RORA: variants seen among roughly 807,000 people sequenced by gnomAD.
RORA encodes the protein nuclear receptor ROR-alpha.
A neutral mutation model predicts 69.5 loss-of-function variants in RORA; 7 were observed. The ratio of observed to expected loss-of-function variants is 0.10; its 90% confidence interval spans 0.06 to 0.19. The LOEUF (loss-of-function observed/expected upper bound fraction) is 0.19, where lower values mean the gene tolerates loss of function less well. Among genes scored for constraint, RORA ranks in the 10% least tolerant of loss-of-function variants. The probability of loss-of-function intolerance (pLI) is 1.00; values close to 1 mark genes in which losing one functional copy is unlikely to be tolerated. For missense variants in RORA, 457 were observed against 663.0 expected, an observed-to-expected ratio of 0.69 and a Z score of 3.41; for synonymous variants, 261 against 240.8, an observed-to-expected ratio of 1.08 and a Z score of -0.78.
chr15:61,147,766 C>CGTGTGTCTGTGTGTGTGT lies in RORA; in HGVS notation c.166+81286_166+81287insACACACACACAGACACAC, dbSNP rs2079362402. ...TGGTCAGTAGGCACGTGCGCACACG[C>CGTGTGTCTGTGTGTGTGT]GTGTGTGTGTGTGTGTGTGTGTGTG... is the stretch of plus-strand genomic sequence containing the variant. On this transcript the variant is annotated intron_variant, in intron 1 of 10. Transcript: ENST00000335670. The surrounding 1 kb of genome is among the most constrained non-coding windows in gnomAD (Gnocchi z 4.1). Among the ~76,000 whole-genome samples, 1 of 147,588 alleles carries CGTGTGTCTGTGTGTGTGT rather than the reference C, an allele frequency of 6.8e-6. No individual in the cohort carries two copies. Among genetic ancestry groups the CGTGTGTCTGTGTGTGTGT allele is most frequent in the African/African-American group, 2.5e-5 (1 of 40,144 alleles).
chr15:60,789,968 C>G (rs1030874483), intron 1 of RORA, among the ~76,000 whole-genome samples: 8 of 152,230 alleles, frequency 5.3e-5, no homozygotes, highest in African/African-American at 1.9e-4. Flanking sequence ...CTAAGCAGCA[C>G]AGCAGCCTAT....
Position 60,556,789 on chromosome 15 carries a change from C to A in RORA, c.197-24938G>T, listed in dbSNP as rs1043915912. ...GGCTCCATCTTTGATTCAAACCTCA[C>A]TTCTTCCTAAAAGCCTTCGTAAATG... On this transcript the variant is annotated intron_variant, in intron 2 of 10. Transcript: ENST00000335670. 5.1e-5 allele frequency: 65 copies of A among 1,263,308 alleles called. No homozygotes were observed. The African/African-American group carries it at 8.6e-4, about 17-fold the overall frequency. The allele number at this position is 1,263,308 out of a possible 1,614,324, so 78.3% of individuals were successfully genotyped here.
intron 1 of RORA, among the ~76,000 whole-genome samples, chr15:60,766,547 T>C (rs2071995436): frequency 6.6e-6 from 1 of 152,222 alleles, no homozygotes. Context: ...GAGGAGGCAT[T>C]TGAAAGCATC....
intron 1 of RORA, among the ~76,000 whole-genome samples, chr15:60,975,488 T>TA (rs1456654494): frequency 3.9e-5 from 6 of 151,994 alleles, no homozygotes; most frequent in African/African-American, 1.5e-4. Context: ...TTGCCAGACT[T>TA]AAAAAAACAG....
intron 2 of RORA, among the ~76,000 whole-genome samples, chr15:60,667,501 G>A (rs1596109958): frequency 1.3e-5 from 2 of 152,306 alleles, no homozygotes; most frequent in South Asian, 4.2e-4. Context: ...AAGCCGAGAA[G>A]TTAAGGTTAT....
chr15:60,592,333 C>T (rs2068549407), intron 2 of RORA: 1 of 1,306,746 alleles, frequency 7.7e-7, no homozygotes, highest in African/African-American at 1.6e-5. Flanking sequence ...CGCCCTCCTC[C>T]CCGCCCCCCG....
At chr15:60,985,817 T>A (rs915623166) in intron 1 of RORA, among the ~76,000 whole-genome samples, 2 of 152,172 alleles carry the variant, frequency 1.3e-5, no homozygotes, top group African/African-American at 4.8e-5. Flanking sequence ...TCTCTTGACC[T>A]CATCCGCCCG....
chr15:61,008,169 G>A (rs547700328), intron 1 of RORA, among the ~76,000 whole-genome samples: 2 of 151,352 alleles, frequency 1.3e-5, no homozygotes, highest in East Asian at 1.9e-4. Flanking sequence ...ATAAACATGT[G>A]GAGGTATAAA....
chr15:60,781,074 G>A (rs2072246025), intron 1 of RORA, among the ~76,000 whole-genome samples: 2 of 152,198 alleles, frequency 1.3e-5, no homozygotes, highest in Admixed American at 6.5e-5. Context: ...GTAAAAAGGA[G>A]AGCTGCATCT....
intron 1 of RORA, among the ~76,000 whole-genome samples, chr15:61,167,351 C>T (rs553043646): frequency 2.0e-4 from 30 of 151,970 alleles, no homozygotes; most frequent in Non-Finnish European, 4.3e-4. Context: ...TAGGTTTGAA[C>T]AATTTTGAGT....
intron 2 of RORA, among the ~76,000 whole-genome samples, chr15:60,624,498 T>TATATATATATATATATATA (rs2069513906): frequency 1.9e-5 from 1 of 52,010 alleles, no homozygotes; most frequent in Non-Finnish European, 3.6e-5. Context: ...ATATATATAT[T>TATATATATATATATATATA]TGCTGTATGT....
At chr15:60,943,132 T>C (rs1425209466) in intron 1 of RORA, among the ~76,000 whole-genome samples, 1 of 152,210 alleles carries the variant, frequency 6.6e-6, no homozygotes, top group African/African-American at 2.4e-5. Flanking sequence ...CTATGCATAG[T>C]AGCATCTTCT....
intron 1 of RORA, among the ~76,000 whole-genome samples, chr15:60,997,238 G>C (rs1257491393): frequency 6.6e-6 from 1 of 152,110 alleles, no homozygotes; most frequent in Non-Finnish European, 1.5e-5. Context: ...ATGTTTGTGT[G>C]ATTTAGGAAG....
At chr15:60,693,883 G>T (rs1440999967) in intron 1 of RORA, among the ~76,000 whole-genome samples, 2 of 152,202 alleles carry the variant, frequency 1.3e-5, no homozygotes, top group African/African-American at 2.4e-5. Context: ...GTAATTTATA[G>T]ATTGAATGCT....
At chr15:60,779,868 T>G (rs995289313) in intron 1 of RORA, among the ~76,000 whole-genome samples, 1 of 152,220 alleles carries the variant, frequency 6.6e-6, no homozygotes, top group African/African-American at 2.4e-5. Context: ...GTGGCTCATA[T>G]GCACCAAGGA....
At chr15:61,113,060 T>C (rs1051678013) in intron 1 of RORA, among the ~76,000 whole-genome samples, 1 of 152,240 alleles carries the variant, frequency 6.6e-6, no homozygotes, top group East Asian at 1.9e-4. Flanking sequence ...CCAGCCTTGC[T>C]GCAGACCTTC....
chr15:60,615,282 T>C (rs189460817), intron 2 of RORA, among the ~76,000 whole-genome samples: 131 of 152,316 alleles, frequency 8.6e-4, no homozygotes, highest in Middle Eastern at 6.8e-3. Context: ...GCTTCTCTTC[T>C]CCACGGAGCC....
At chr15:60,715,502 A>G (rs1016035636) in intron 1 of RORA, among the ~76,000 whole-genome samples, 1 of 152,242 alleles carries the variant, frequency 6.6e-6, no homozygotes, top group Non-Finnish European at 1.5e-5. Flanking sequence ...TAAGGAGAAT[A>G]GAAGAAGCCT....
chr15:61,224,963 A>C (rs1400146903), intron 1 of RORA, among the ~76,000 whole-genome samples: 1 of 152,164 alleles, frequency 6.6e-6, no homozygotes, highest in Non-Finnish European at 1.5e-5. Context: ...GCTCCTCACC[A>C]TGCCAGTAGG....
Sources: gnomAD v4.1 joint callset for allele counts (sites outside exome capture counted in the v4.1 genomes callset) on GRCh38, gnomAD v4.1.1 for gene constraint, Gnocchi (gnomAD v3.1) non-coding constraint, MANE v1.5 for transcripts, NCBI Gene and HGNC (gene_info 2026-07-23, HGNC 2026-07-21) for gene names.